C17orf75: variants seen among roughly 807,000 people sequenced by gnomAD.
C17orf75 encodes protein Njmu-R1.
A neutral mutation model predicts 49.6 loss-of-function variants in C17orf75; 32 were observed. That is an observed-to-expected ratio of 0.65 (90% CI 0.49 to 0.87). C17orf75 has a LOEUF of 0.87. Ranked by LOEUF, C17orf75 falls within the 40% of genes least tolerant of loss-of-function variation. C17orf75 has a pLI of 0.00. For missense variants in C17orf75, 428 were observed against 473.9 expected (o/e 0.90, Z 0.90); for synonymous variants, 158 against 159.5 (o/e 0.99, Z 0.07).
chr17:32,346,506 C>T (rs189156343), upstream of C17orf75, among the ~76,000 whole-genome samples: 27 of 152,344 alleles, frequency 1.8e-4, no homozygotes, highest in African/African-American at 4.6e-4. Flanking sequence ...CCCACCTCAG[C>T]CTCCCAAGGT....
At chr17:32,339,010 G>A (rs943094104) in intron 3 of C17orf75, among the ~76,000 whole-genome samples, 82 of 152,220 alleles carry the variant, frequency 5.4e-4, no homozygotes, top group African/African-American at 1.8e-3. Context: ...AGAATTGCTT[G>A]AACCAGGGAG....
chr17:32,338,826 C>T (rs1032937766), intron 3 of C17orf75, among the ~76,000 whole-genome samples: 1 of 152,148 alleles, frequency 6.6e-6, no homozygotes, highest in Non-Finnish European at 1.5e-5. Context: ...CACAGTGGCT[C>T]ACACCTGTAA....
intron 6 of C17orf75, 98 bp from the exon 7 acceptor site, chr17:32,334,937 GACA>G: frequency 3.2e-6 from 3 of 938,682 alleles, no homozygotes; most frequent in East Asian, 2.6e-5. Context: ...TACCACACTG[GACA>G]ACAATTGATG....
Position 32,335,407 on chromosome 17 carries a change from C to T in C17orf75, c.585G>A (p.Leu195=), listed in dbSNP as rs970620389. Residue 195 remains leucine, a synonymous_variant, in exon 6 of 10, where the codon CTG becomes CTA. Transcript: ENST00000577809. The part of the protein sequence containing the change: ...RGLESHIKSY[L]SSWFEDVVCP... ...ATACAACATCCTCAAACCAGCTGCT[C>T]AGATAGGATTTTATGTGACTCTCCA... is the stretch of plus-strand genomic sequence containing the variant. The T allele has an allele frequency of 1.9e-6, 3 of 1,613,918 alleles. No homozygotes were observed. Among genetic ancestry groups the T allele is most frequent in the Middle Eastern group, 1.6e-4 (1 of 6,062 alleles).
At chr17:32,344,580 G>C (rs11650391), upstream of C17orf75, among the ~76,000 whole-genome samples, 5,510 of 138,260 alleles carry the variant, frequency 0.04, 185 homozygotes, top group Middle Eastern at 0.065. Flanking sequence ...CATAGAGCCA[G>C]ACTCTGTCTC....
At chr17:32,332,517 A>G (rs1459158273) in intron 9 of C17orf75, among the ~76,000 whole-genome samples, 1 of 152,316 alleles carries the variant, frequency 6.6e-6, no homozygotes, top group South Asian at 2.1e-4. Flanking sequence ...TAATCCCAAC[A>G]CTTTGGGAGC....
rs2041264430 is a variant in C17orf75, at chr17:32,330,463, C to G, written c.*1300G>C. The G allele has an allele frequency of 2.0e-5, 3 of 152,162 alleles. No individual in the cohort carries two copies. In the South Asian group the frequency reaches 6.2e-4, roughly 31 times the overall value. 9.4% of individuals were successfully genotyped at this position (152,162 alleles called of 1,614,324 possible). Reference sequence around the variant, plus strand: ...GTGAGAACACAAGACTTCTGTTCTTCTAAGCAAAAATCATTATCAAATGAA... The same window carrying G: ...GTGAGAACACAAGACTTCTGTTCTTGTAAGCAAAAATCATTATCAAATGAA... On this transcript the variant is annotated 3_prime_UTR_variant, in exon 10 of 10. Coordinates refer to ENST00000577809, the MANE Select transcript of C17orf75 (RefSeq NM_022344.4).
At chr17:32,340,035 A>C in intron 2 of C17orf75, 97 bp from the exon 3 acceptor site, 1 of 1,450,872 alleles carries the variant, frequency 6.9e-7, no homozygotes, top group East Asian at 2.3e-5. Context: ...GGCTCTTTTA[A>C]GGACTGGGGA....
At chr17:32,341,041 C>T (rs537115449) in intron 2 of C17orf75, 163 bp downstream of exon 2, 2 of 708,762 alleles carry the variant, frequency 2.8e-6, no homozygotes, top group East Asian at 2.6e-5. Flanking sequence ...CTTGAATGAA[C>T]CAGCCAATGA....
chr17:32,345,891 A>G (rs890582578), upstream of C17orf75, among the ~76,000 whole-genome samples: 2 of 152,114 alleles, frequency 1.3e-5, no homozygotes, highest in African/African-American at 4.8e-5. Context: ...TTTACTGGAG[A>G]ATGGTATTAC....
Position 32,331,639 on chromosome 17 carries a change from AAG to A in C17orf75, c.*122_*123del. The A allele has an allele frequency of 2.5e-6, 2 of 798,072 alleles. No homozygotes were observed. The highest frequency in any genetic ancestry group is 3.9e-6 in the Non-Finnish European group (2 of 507,204). 49.4% of individuals were successfully genotyped at this position (798,072 alleles called of 1,614,324 possible). On this transcript the variant is annotated 3_prime_UTR_variant, in exon 10 of 10. Coordinates refer to ENST00000577809, the MANE Select transcript of C17orf75 (RefSeq NM_022344.4). Reference sequence around the variant, plus strand: ...TTAAGTTAAATTGGTAAAATACAAAAAGAAAATCTGGATTGAGTTTCAAATCA... The same window carrying A: ...TTAAGTTAAATTGGTAAAATACAAAAAAAATCTGGATTGAGTTTCAAATCA...
intron 4 of C17orf75, 68 bp downstream of exon 4, chr17:32,338,140 G>C: frequency 2.5e-6 from 4 of 1,582,320 alleles, no homozygotes; most frequent in South Asian, 2.3e-5. Flanking sequence ...GAGGTTGGTA[G>C]TAATATTCTT....
At chr17:32,337,839 G>A (rs565678750) in intron 5 of C17orf75, 58 bp downstream of exon 5, 3 of 1,481,058 alleles carry the variant, frequency 2.0e-6, no homozygotes, top group Non-Finnish European at 2.8e-6. Context: ...TTACAGGCGT[G>A]AGCCACTGAG....
intron 5 of C17orf75, 59 bp downstream of exon 5, chr17:32,337,838 T>G: frequency 5.4e-6 from 8 of 1,475,124 alleles, no homozygotes; most frequent in South Asian, 1.2e-5. Context: ...ATTACAGGCG[T>G]GAGCCACTGA....
chr17:32,349,176 C>G (rs1296870618), intron 1 of C17orf75, among the ~76,000 whole-genome samples: 1 of 152,086 alleles, frequency 6.6e-6, no homozygotes, highest in Non-Finnish European at 1.5e-5. Context: ...GCTATCAGCT[C>G]CAGTCTTACC....
At chr17:32,344,849 G>A (rs1366263258), upstream of C17orf75, among the ~76,000 whole-genome samples, 1 of 151,332 alleles carries the variant, frequency 6.6e-6, no homozygotes, top group East Asian at 2.0e-4. Flanking sequence ...AGAGGTTGCA[G>A]TGAGCCGAAA....
Position 32,339,823 on chromosome 17 carries a change from C to A in C17orf75, c.337G>T (p.Val113Leu), listed in dbSNP as rs763374868. 6 of 1,613,970 alleles carry A rather than the reference C, an allele frequency of 3.7e-6. No homozygotes were observed. The South Asian group carries it at 6.6e-5, about 18-fold the overall frequency. The change falls in exon 3 of 10, where the codon GTG becomes TTG. Residue 113 changes from valine to leucine, a missense_variant. By Grantham distance (32) the Val-to-Leu change is conservative. Transcript: ENST00000577809. ...VFEGLGNVAS[V>L]ELKIPGYRVG... is the part of the protein sequence containing the mutation. The stretch of plus-strand genomic sequence containing the variant: ...ACATTTTGCACTTACTTTAGCTCCA[C>A]AGATGCAACATTACCCAGCCCTTCA...
At chr17:32,344,267 G>A, upstream of C17orf75, 1 of 310,706 alleles carries the variant, frequency 3.2e-6, no homozygotes, top group Non-Finnish European at 6.0e-6. Flanking sequence ...CCGAAGTGCT[G>A]ACATTACAGG....
chr17:32,349,134 G>A (rs2041457345), intron 1 of C17orf75, among the ~76,000 whole-genome samples: 1 of 151,842 alleles, frequency 6.6e-6, no homozygotes, highest in South Asian at 2.1e-4. Flanking sequence ...GGCCCATAGT[G>A]TTGGGATTAC....
Sources: allele counts gnomAD v4.1 joint callset (sites outside exome capture counted in the v4.1 genomes callset), GRCh38; gene constraint gnomAD v4.1.1; transcripts MANE v1.5; gene names NCBI Gene and HGNC (gene_info 2026-07-23, HGNC 2026-07-21).